The following CCDC13 variants were observed in gnomAD, a reference collection of about 807,000 sequenced individuals.
CCDC13 encodes coiled-coil domain-containing protein 13.
In CCDC13, 70 loss-of-function variants were observed where a neutral mutation model predicts 87.3. The observed-to-expected ratio is 0.80, with a 90% CI of 0.66 to 0.98. CCDC13 has a LOEUF of 0.98. CCDC13 is among the 50% of genes least tolerant of loss of function. The pLI, the probability that CCDC13 is intolerant of heterozygous loss-of-function variation, is 0.00. For missense variants in CCDC13, 842 were observed against 892.0 expected, an observed-to-expected ratio of 0.94 and a Z score of 0.71; for synonymous variants, 317 against 360.3, an observed-to-expected ratio of 0.88 and a Z score of 1.36.
chr3:42,745,858 G>A, intron 7 of CCDC13, 65 bp downstream of exon 7: 1 of 1,320,248 alleles, frequency 7.6e-7, no homozygotes, highest in Non-Finnish European at 1.1e-6. Context: ...GGGGGTCAGG[G>A]CAGCTCTTTC....
intron 7 of CCDC13, among the ~76,000 whole-genome samples, chr3:42,744,661 C>G (rs963527088): frequency 6.6e-6 from 1 of 151,748 alleles, no homozygotes; most frequent in Non-Finnish European, 1.5e-5. Flanking sequence ...AAAAATTAGC[C>G]GGGCGTGGTG....
chr3:42,707,704 G>A lies in CCDC13; in HGVS notation c.*1276C>T, dbSNP rs986377828. On this transcript the variant is annotated 3_prime_UTR_variant, in exon 16 of 16. Coordinates refer to ENST00000310232, the MANE Select transcript of CCDC13 (RefSeq NM_144719.4). ...TGGGAATGTGTGTCCACATCCACAT[G>A]TGTGTGCTCATCTGCACCTGTGTGT... Among the ~76,000 whole-genome samples the A allele has an allele frequency of 5.9e-5, 9 of 152,232 alleles. No homozygotes were observed. Among genetic ancestry groups the A allele is most frequent in the African/African-American group, 2.2e-4 (9 of 41,460 alleles).
At chr3:42,704,176 G>C (rs9825860), downstream of CCDC13, 4 of 152,384 alleles carry the variant, frequency 2.6e-5, no homozygotes, top group African/African-American at 9.6e-5. Flanking sequence ...GCCACTGTAC[G>C]CAGTTGGGAG....
At chr3:42,757,262 G>C (rs771124126) in intron 2 of CCDC13, 48 bp from the exon 3 acceptor site, 1 of 1,587,654 alleles carries the variant, frequency 6.3e-7, no homozygotes, top group Admixed American at 1.7e-5. Context: ...AAAGGCCCTG[G>C]TGGGCAGGGG....
chr3:42,769,297 T>C (rs1016249151), intron 1 of CCDC13, among the ~76,000 whole-genome samples: 1 of 152,176 alleles, frequency 6.6e-6, no homozygotes, highest in African/African-American at 2.4e-5. Flanking sequence ...TACATACCTA[T>C]TAGAATGGCT....
chr3:42,733,401 C>G, intron 11 of CCDC13, 69 bp downstream of exon 11: 2 of 1,585,968 alleles, frequency 1.3e-6, no homozygotes, highest in African/African-American at 1.3e-5. Context: ...TCAGAGGTAG[C>G]AAGAAACAAC....
chr3:42,742,023 T>C (rs988489752), intron 8 of CCDC13, among the ~76,000 whole-genome samples: 2 of 152,238 alleles, frequency 1.3e-5, no homozygotes, highest in Non-Finnish European at 2.9e-5. Context: ...CGTGGGCCTG[T>C]TGTATGGCCT....
chr3:42,752,471 C>T, intron 4 of CCDC13, 104 bp downstream of exon 4: 1 of 1,457,482 alleles, frequency 6.9e-7, no homozygotes, highest in Non-Finnish European at 9.4e-7. Flanking sequence ...GCCTCTTAAC[C>T]TTCCAACTTC....
At chr3:42,769,308 A>C in intron 1 of CCDC13, among the ~76,000 whole-genome samples, 1 of 152,236 alleles carries the variant, frequency 6.6e-6, no homozygotes, top group Non-Finnish European at 1.5e-5. Flanking sequence ...TAGAATGGCT[A>C]GAATCCAAAA....
At chr3:42,747,682 T>TG (rs1484881638) in intron 5 of CCDC13, among the ~76,000 whole-genome samples, 1 of 152,190 alleles carries the variant, frequency 6.6e-6, no homozygotes, top group Non-Finnish European at 1.5e-5. Context: ...CACACACATG[T>TG]GGGTGTATGC....
intron 3 of CCDC13, among the ~76,000 whole-genome samples, chr3:42,756,420 GGTCTCC>G (rs1699705091): frequency 1.3e-5 from 2 of 152,112 alleles, no homozygotes; most frequent in South Asian, 4.1e-4. Flanking sequence ...GCCACCATGA[GGTCTCC>G]ACCAACACAG....
chr3:42,729,563 C>T (rs1035184574), intron 13 of CCDC13, among the ~76,000 whole-genome samples: 3 of 152,168 alleles, frequency 2.0e-5, no homozygotes, highest in Non-Finnish European at 2.9e-5. Context: ...TGGATACGGG[C>T]GCAGCACTGG....
chr3:42,760,051 G>A (rs1699795771), intron 1 of CCDC13, among the ~76,000 whole-genome samples: 1 of 152,106 alleles, frequency 6.6e-6, no homozygotes, highest in South Asian at 2.1e-4. Flanking sequence ...CATCCCTCTA[G>A]GAGGCCGAGG....
chr3:42,727,199 C>T (rs1698711183), intron 13 of CCDC13, among the ~76,000 whole-genome samples: 1 of 151,962 alleles, frequency 6.6e-6, no homozygotes, highest in African/African-American at 2.4e-5. Context: ...TGGTGAAACC[C>T]CATCTCTACT....
intron 8 of CCDC13, among the ~76,000 whole-genome samples, chr3:42,740,171 G>T (rs1376399869): frequency 1.3e-5 from 2 of 152,172 alleles, no homozygotes; most frequent in Non-Finnish European, 2.9e-5. Context: ...CCAAGCAGGG[G>T]AAAAGAGAAA....
In CCDC13 at chr3:42,706,158, G is replaced by A. The variant is rs1698173376; in HGVS notation, c.*2822C>T. ...CCAGGCCTGGAGAGGCTGGCATGCT[G>A]TTGGCACTCACTGACTGCCTGGTGG... On this transcript the variant is annotated 3_prime_UTR_variant, in exon 16 of 16. Coordinates refer to ENST00000310232, the MANE Select transcript of CCDC13 (RefSeq NM_144719.4). 1 of 152,438 alleles carries A rather than the reference G, an allele frequency of 6.6e-6. No individual in the cohort carries two copies. Among genetic ancestry groups the A allele is most frequent in the South Asian group, 2.1e-4 (1 of 4,838 alleles). 9.4% of individuals were successfully genotyped at this position (152,438 alleles called of 1,614,324 possible). A position where few individuals can be genotyped will look rare whatever the true frequency, so the allele number is the denominator to read the frequency against.
At chr3:42,705,093 TGTATC>T (rs1363521224), downstream of CCDC13, 1 of 152,318 alleles carries the variant, frequency 6.6e-6, no homozygotes, top group Admixed American at 6.5e-5. Context: ...TGTGTGCACA[TGTATC>T]GTACATACGT....
At chr3:42,705,720 G>C (rs973034553), downstream of CCDC13, among the ~76,000 whole-genome samples, 1 of 152,216 alleles carries the variant, frequency 6.6e-6, no homozygotes, top group Non-Finnish European at 1.5e-5. Context: ...GCCCAGGACA[G>C]ATGGTGCTAC....
chr3:42,757,540 C>A (rs530130298), intron 2 of CCDC13, among the ~76,000 whole-genome samples: 3 of 152,064 alleles, frequency 2.0e-5, no homozygotes, highest in African/African-American at 4.8e-5. Flanking sequence ...AAAGAAAGAC[C>A]CTGTCTCTAA....
Sources: gnomAD v4.1 joint callset for allele counts (sites outside exome capture counted in the v4.1 genomes callset) on GRCh38, gnomAD v4.1.1 for gene constraint, MANE v1.5 for transcripts, NCBI Gene and HGNC (gene_info 2026-07-23, HGNC 2026-07-21) for gene names.